The following CMC1 variants were observed in gnomAD, a reference collection of about 807,000 sequenced individuals.
CMC1 encodes the protein COX assembly mitochondrial protein homolog.
A neutral mutation model predicts 14.1 loss-of-function variants in CMC1; 14 were observed. The observed-to-expected ratio is 0.99, with a 90% confidence interval of 0.66 to 1.55. The LOEUF is 1.55. Among genes scored for constraint, CMC1 ranks in the 40% most tolerant of loss-of-function variants. CMC1 has a pLI of 0.00. For synonymous variants in CMC1, 50 were observed against 38.4 expected (o/e 1.30, Z -1.12); for missense variants, 127 against 123.8 (o/e 1.03, Z -0.12).
intron 1 of CMC1, among the ~76,000 whole-genome samples, chr3:28,242,947 T>C (rs1698607910): frequency 6.6e-6 from 1 of 152,282 alleles, no homozygotes; most frequent in South Asian, 2.1e-4. Flanking sequence ...TGTGCGATGC[T>C]TGGTTTCAGG....
At chr3:28,315,121 C>G (rs1702828346) in intron 2 of CMC1, 1 of 152,232 alleles carries the variant, frequency 6.6e-6, no homozygotes, top group African/African-American at 2.4e-5. Flanking sequence ...GAGTCTGGAA[C>G]TAGGGCAGCC....
At position 28,322,954 on chromosome 3, in the gene CMC1, A is replaced by G. The variant is rs948316631; in HGVS notation, c.*3325A>G. ...CCAAGTAAATCTCCACCCTGAAAGA[A>G]CTTAAATTTCCATGTGAAGCCATCT... On this transcript the variant is annotated 3_prime_UTR_variant, in exon 4 of 4. Coordinates refer to ENST00000466830, the MANE Select transcript of CMC1 (RefSeq NM_182523.2). 2 of 151,130 alleles carry G rather than the reference A, an allele frequency of 1.3e-5. No individual in the cohort carries two copies. Among genetic ancestry groups the G allele is most frequent in the Non-Finnish European group, 3.0e-5 (2 of 67,358 alleles). The allele number at this position is 151,130 out of a possible 1,614,324, so 9.4% of individuals were successfully genotyped here. A position where few individuals can be genotyped will look rare whatever the true frequency, so the allele number is the denominator to read the frequency against.
intron 2 of CMC1, among the ~76,000 whole-genome samples, chr3:28,266,696 T>G (rs930531334): frequency 6.6e-6 from 1 of 152,096 alleles, no homozygotes; most frequent in Non-Finnish European, 1.5e-5. Context: ...TTTTTGAACT[T>G]TGATTTGATT....
chr3:28,323,975 T>A lies in CMC1; in HGVS notation c.*4346T>A, dbSNP rs1001966026. 1 of 1,480,030 alleles carries A rather than the reference T, an allele frequency of 6.8e-7. No individual in the cohort carries two copies. Among genetic ancestry groups the A allele is most frequent in the African/African-American group, 1.4e-5 (1 of 70,512 alleles). 91.7% of individuals were successfully genotyped at this position (1,480,030 alleles called of 1,614,324 possible). A position where few individuals can be genotyped will look rare whatever the true frequency, so the allele number is the denominator to read the frequency against. Reference sequence around the variant, plus strand: ...CAAAATCTCCTTTCAGTTTGTTAAATAATTTCTTGGGAGGACCACTGAAAG... The same window carrying A: ...CAAAATCTCCTTTCAGTTTGTTAAAAAATTTCTTGGGAGGACCACTGAAAG... On this transcript the variant is annotated 3_prime_UTR_variant, in exon 4 of 4. Transcript: ENST00000466830.
chr3:28,262,369 T>C (rs1699776040), intron 1 of CMC1, among the ~76,000 whole-genome samples: 1 of 152,068 alleles, frequency 6.6e-6, no homozygotes, highest in African/African-American at 2.4e-5. Flanking sequence ...CTATATTCTT[T>C]TAATGGGAAA....
chr3:28,271,003 A>T (rs180982988), intron 2 of CMC1, among the ~76,000 whole-genome samples: 22 of 147,574 alleles, frequency 1.5e-4, no homozygotes, highest in Non-Finnish European at 2.8e-4. Context: ...GCTCACTGCA[A>T]CCCTGCAACC....
At chr3:28,241,861 C>G in intron 1 of CMC1, 49 bp downstream of exon 1, 5 of 1,234,738 alleles carry the variant, frequency 4.0e-6, no homozygotes, top group Non-Finnish European at 4.1e-6. Context: ...CCCCGGGTCT[C>G]ACGCCGCGGG....
At chr3:28,301,640 T>TAA (rs150985397) in intron 2 of CMC1, among the ~76,000 whole-genome samples, 1,542 of 150,972 alleles carry the variant, frequency 0.01, 38 homozygotes, top group African/African-American at 0.036. Context: ...TTTTTTTTTT[T>TAA]AAAAAAATAG....
chr3:28,275,776 A>G (rs1259267712), intron 2 of CMC1, among the ~76,000 whole-genome samples: 2 of 152,156 alleles, frequency 1.3e-5, no homozygotes, highest in African/African-American at 2.4e-5. Flanking sequence ...TCTCCATCCC[A>G]GGGAGATCAG....
chr3:28,264,336 A>G (rs1237893564), intron 2 of CMC1, among the ~76,000 whole-genome samples: 1 of 152,140 alleles, frequency 6.6e-6, no homozygotes, highest in South Asian at 2.1e-4. Context: ...TTTGGATACT[A>G]GGAACGCTTT....
At chr3:28,260,987 G>T (rs1303606170) in intron 1 of CMC1, among the ~76,000 whole-genome samples, 1 of 152,110 alleles carries the variant, frequency 6.6e-6, no homozygotes, top group Non-Finnish European at 1.5e-5. Context: ...GATTTATTGA[G>T]ATTTGTTTTA....
chr3:28,313,525 G>GCAACATCACTATTATATGATTA (rs1702744836), intron 2 of CMC1, among the ~76,000 whole-genome samples: 1 of 152,148 alleles, frequency 6.6e-6, no homozygotes, highest in Non-Finnish European at 1.5e-5. Context: ...GAAATCAGTT[G>GCAACATCACTATTATATGATTA]GCAGTATTAG....
At chr3:28,289,348 T>C (rs1701353428) in intron 2 of CMC1, among the ~76,000 whole-genome samples, 1 of 152,000 alleles carries the variant, frequency 6.6e-6, no homozygotes, top group Non-Finnish European at 1.5e-5. Context: ...GGGGAAGGAA[T>C]AGTCTGTGAA....
chr3:28,244,952 GT>G lies in CMC1; in HGVS notation c.19+3155del, dbSNP rs397973045. On this transcript the variant is annotated intron_variant, in intron 1 of 3. Transcript: ENST00000466830. ...TCCAGAATAAAATGTATGGAAGCCA[GT>G]TTTTTTTTTTTTTTAATTTCGTGTT... Among the ~76,000 whole-genome samples, 942 of 139,814 alleles carry G rather than the reference GT, an allele frequency of 6.7e-3. 7 individuals are homozygous for G. Among genetic ancestry groups the G allele is most frequent in the South Asian group, 0.032 (140 of 4,348 alleles). 91.7% of individuals were successfully genotyped at this position (139,814 alleles called of 152,430 possible). A position where few individuals can be genotyped will look rare whatever the true frequency, so the allele number is the denominator to read the frequency against.
At chr3:28,249,969 GGAGGAGGAGGA>G (rs1699047388) in intron 1 of CMC1, among the ~76,000 whole-genome samples, 1 of 152,042 alleles carries the variant, frequency 6.6e-6, no homozygotes, top group Non-Finnish European at 1.5e-5. Flanking sequence ...GGAGGTTGAG[GGAGGAGGAGGA>G]GAGAACGAGA....
rs1044499131 is a variant in CMC1 at position 28,299,651 on chromosome 3, T to C, written c.110-16682T>C. ...TTGTCATAAGATGCTGCTGTCACAA[T>C]TTTATAATGATATATTTTCTAGTTA... On this transcript the variant is annotated intron_variant, in intron 2 of 3. Transcript: ENST00000466830. Among the ~76,000 whole-genome samples the C allele has an allele frequency of 7.2e-5, 11 of 152,148 alleles. No homozygotes were observed. In the East Asian group the frequency reaches 1.9e-3, roughly 27 times the overall value.
chr3:28,317,273 G>C (rs536824010), intron 3 of CMC1: 2 of 151,868 alleles, frequency 1.3e-5, no homozygotes, highest in East Asian at 3.9e-4. Flanking sequence ...AAAGACTTTA[G>C]AGATTATGTA....
chr3:28,283,853 A>T (rs549181227), intron 2 of CMC1, among the ~76,000 whole-genome samples: 1 of 152,322 alleles, frequency 6.6e-6, no homozygotes, highest in East Asian at 1.9e-4. Flanking sequence ...CTAGGAGAAA[A>T]GTCAAAGCTA....
chr3:28,260,847 C>A (rs1031506960), intron 1 of CMC1, among the ~76,000 whole-genome samples: 3 of 152,016 alleles, frequency 2.0e-5, no homozygotes, highest in African/African-American at 7.2e-5. Context: ...TTTCTTAGAT[C>A]CATGGGTTAT....
Sources: gnomAD v4.1 joint callset for allele counts (sites outside exome capture counted in the v4.1 genomes callset) on GRCh38, gnomAD v4.1.1 for gene constraint, MANE v1.5 for transcripts, NCBI Gene and HGNC (gene_info 2026-07-23, HGNC 2026-07-21) for gene names.